The following RFTN1 variants were observed in gnomAD, a reference collection of about 807,000 sequenced individuals.
RFTN1 encodes the protein raftlin.
RFTN1 carries 26 observed loss-of-function variants against 46.5 expected under a neutral mutation model. The ratio of observed to expected loss-of-function variants is 0.56; its 90% CI spans 0.41 to 0.78. The LOEUF (loss-of-function observed/expected upper bound fraction) is 0.78. RFTN1 is among the 30% of genes least tolerant of loss of function. The pLI, the probability that RFTN1 is intolerant of heterozygous loss-of-function variation, is 0.00. For missense variants in RFTN1, 693 were observed against 718.7 expected, an observed-to-expected ratio of 0.96 and a Z score of 0.41; for synonymous variants, 261 against 284.2, an observed-to-expected ratio of 0.92 and a Z score of 0.82.
Position 16,473,635 on chromosome 3 carries a change from G to A in RFTN1, c.145+20090C>T, listed in dbSNP as rs1357946838. ...TTGCCCAGGCTGGTCTGGAACTCCT[G>A]AGCTCAGGCAATCCACCCGCCTTGG... On this transcript the variant is annotated intron_variant, in intron 2 of 9. Transcript: ENST00000334133. This position sits in a 1 kb window ranked among gnomAD's most constrained non-coding sequence, Gnocchi z 5.3. Among the ~76,000 whole-genome samples the A allele has an allele frequency of 1.3e-5, 2 of 152,094 alleles. No homozygotes were observed. Among genetic ancestry groups the A allele is most frequent in the Non-Finnish European group, 2.9e-5 (2 of 68,014 alleles).
intron 1 of RFTN1, among the ~76,000 whole-genome samples, chr3:16,502,616 C>T (rs1008900824): frequency 1.6e-4 from 25 of 152,286 alleles, no homozygotes; most frequent in Middle Eastern, 6.8e-3. Context: ...CTAGATCTCT[C>T]GTTCTGGGGG....
At chr3:16,493,906 G>T in intron 1 of RFTN1, 29 bp from the exon 2 acceptor site, 1 of 1,611,992 alleles carries the variant, frequency 6.2e-7, no homozygotes, top group Non-Finnish European at 8.5e-7. Flanking sequence ...AGGCGGGGAG[G>T]TGATTTTTTT....
At position 16,329,467 on chromosome 3, in the gene RFTN1, G is replaced by A. The variant is rs2125238340; in HGVS notation, c.1147-2591C>T. ...GGGGCCAGGAGAGAATGCCATTCTG[G>A]TCCCTTCCCTGAAGCCTCTATCAGG... On this transcript the variant is annotated intron_variant, in intron 7 of 9. Transcript: ENST00000334133. The surrounding 1 kb of genome is among the most constrained non-coding windows in gnomAD (Gnocchi z 4.5). Among the ~76,000 whole-genome samples the A allele has an allele frequency of 6.6e-6, 1 of 152,288 alleles. No individual in the cohort carries two copies. Among genetic ancestry groups the A allele is most frequent in the Middle Eastern group, 3.4e-3 (1 of 294 alleles).
intron 7 of RFTN1, chr3:16,347,821 A>G (rs1290160474): frequency 6.6e-6 from 1 of 152,240 alleles, no homozygotes; most frequent in Non-Finnish European, 1.5e-5. Flanking sequence ...AATATTCCTC[A>G]ATGGGACTTT....
intron 1 of RFTN1, among the ~76,000 whole-genome samples, chr3:16,494,124 A>G (rs558289286): frequency 6.6e-6 from 1 of 152,288 alleles, no homozygotes; most frequent in African/African-American, 2.4e-5. Context: ...TGACACCAAA[A>G]GCATACCTGT....
chr3:16,495,025 C>T (rs184945157), intron 1 of RFTN1, among the ~76,000 whole-genome samples: 4 of 152,082 alleles, frequency 2.6e-5, no homozygotes, highest in Non-Finnish European at 5.9e-5. Context: ...GGGCATGGGG[C>T]GGGTGGAGTG....
chr3:16,346,793 T>C lies in RFTN1; in HGVS notation c.1146+11139A>G, dbSNP rs1211766377. Among the ~76,000 whole-genome samples, 4 of 152,158 alleles carry C rather than the reference T, an allele frequency of 2.6e-5. No homozygotes were observed. Among genetic ancestry groups the C allele is most frequent in the African/African-American group, 9.7e-5 (4 of 41,430 alleles). On this transcript the variant is annotated intron_variant, in intron 7 of 9. Transcript: ENST00000334133. This position sits in a 1 kb window ranked among gnomAD's most constrained non-coding sequence, Gnocchi z 4.4. ...TCACATTTGCATGAGACACCTAGAA[T>C]TGCCACAGTCACCTTGTGAGGAGGA...
In RFTN1 at chr3:16,473,667, A is replaced by G. The variant is rs760536548; in HGVS notation, c.145+20058T>C. On this transcript the variant is annotated intron_variant, in intron 2 of 9. Transcript: ENST00000334133. This position sits in a 1 kb window ranked among gnomAD's most constrained non-coding sequence, Gnocchi z 5.3. The stretch of plus-strand genomic sequence containing the variant: ...GGCAATCCACCCGCCTTGGCCTCCC[A>G]AAGTGCTAAGATTACAGTTGTGAGC... 6.6e-6 allele frequency among the ~76,000 whole-genome samples: 1 copy of G among 152,106 alleles called. No individual in the cohort carries two copies. The highest frequency in any genetic ancestry group is 1.5e-5 in the Non-Finnish European group (1 of 68,008).
At chr3:16,510,700 T>A in intron 1 of RFTN1, among the ~76,000 whole-genome samples, 1 of 152,200 alleles carries the variant, frequency 6.6e-6, no homozygotes, top group East Asian at 1.9e-4. Context: ...ATAACCATGT[T>A]GGGAAAAGGT....
chr3:16,483,056 A>C lies in RFTN1; in HGVS notation c.145+10669T>G, dbSNP rs1156704862. Among the ~76,000 whole-genome samples the C allele has an allele frequency of 6.6e-6, 1 of 152,200 alleles. No homozygotes were observed. Among genetic ancestry groups the C allele is most frequent in the Non-Finnish European group, 1.5e-5 (1 of 68,032 alleles). On this transcript the variant is annotated intron_variant, in intron 2 of 9. Coordinates refer to ENST00000334133, the MANE Select transcript of RFTN1 (RefSeq NM_015150.2). The surrounding 1 kb of genome is among the most constrained non-coding windows in gnomAD (Gnocchi z 4.8). ...GGTTTGTTTGTTTTTACTTAGAAAA[A>C]ATGCCATCAACGTCAGTGACTGTAT...
In RFTN1 at chr3:16,448,300, A is replaced by G. The variant is rs942239462; in HGVS notation, c.146-14263T>C. On this transcript the variant is annotated intron_variant, in intron 2 of 9. Transcript: ENST00000334133. This position sits in a 1 kb window ranked among gnomAD's most constrained non-coding sequence, Gnocchi z 4.1. ...CATTCACAAGTCATATTGTATTTCTATTGGACTGCTCTGTCCTAGAACCTT... is the reference window on the plus strand; with the variant it reads ...CATTCACAAGTCATATTGTATTTCTGTTGGACTGCTCTGTCCTAGAACCTT... Among the ~76,000 whole-genome samples, 8 of 152,274 alleles carry G rather than the reference A, an allele frequency of 5.3e-5. No homozygotes were observed. Among genetic ancestry groups the G allele is most frequent in the South Asian group, 2.1e-4 (1 of 4,822 alleles).
chr3:16,323,645 A>G (rs2069343726), intron 8 of RFTN1, among the ~76,000 whole-genome samples, 188 bp from the exon 9 acceptor site: 1 of 152,188 alleles, frequency 6.6e-6, no homozygotes, highest in African/African-American at 2.4e-5. Context: ...GCTATCTCAG[A>G]TGCCCAACAA....
rs926942535 is a variant in RFTN1, at chr3:16,427,106, T to C, written c.332+6745A>G. On this transcript the variant is annotated intron_variant, in intron 3 of 9. Coordinates refer to ENST00000334133, the MANE Select transcript of RFTN1 (RefSeq NM_015150.2). This position sits in a 1 kb window ranked among gnomAD's most constrained non-coding sequence, Gnocchi z 5.4. ...CACAGAAATCTTAGAGGCTGCAAGA[T>C]GGCAGCCAGTGGCATGGGTTAGGGA... is the stretch of plus-strand genomic sequence containing the variant. Among the ~76,000 whole-genome samples the C allele has an allele frequency of 6.6e-6, 1 of 152,204 alleles. No homozygotes were observed. Among genetic ancestry groups the C allele is most frequent in the African/African-American group, 2.4e-5 (1 of 41,444 alleles).
chr3:16,434,227 T>C (rs942051096), intron 2 of RFTN1, among the ~76,000 whole-genome samples, 190 bp from the exon 3 acceptor site: 2 of 152,042 alleles, frequency 1.3e-5, no homozygotes, highest in African/African-American at 4.8e-5. Flanking sequence ...CCAAAGGCAT[T>C]AATAATTGGA....
At chr3:16,416,091 A>C in intron 3 of RFTN1, 1 of 345,206 alleles carries the variant, frequency 2.9e-6, no homozygotes, top group Non-Finnish European at 5.8e-6. Context: ...CCCATCTTAC[A>C]TCTTGGGACC....
intron 2 of RFTN1, among the ~76,000 whole-genome samples, chr3:16,464,052 C>G (rs1483935364): frequency 1.3e-5 from 2 of 152,130 alleles, no homozygotes; most frequent in Admixed American, 6.5e-5. Context: ...GAAGATTACT[C>G]AACACCCCTT....
At position 16,500,753 on chromosome 3, in the gene RFTN1, G is replaced by C. The variant is rs1453495621; in HGVS notation, c.-8-6876C>G. On this transcript the variant is annotated intron_variant, in intron 1 of 9. Transcript: ENST00000334133. The surrounding 1 kb of genome is among the most constrained non-coding windows in gnomAD (Gnocchi z 5.9). ...TACAGGAGCTATCAGTTCCATGAGG[G>C]AGGGAAATTATGTTCCAAATTCATT... is the stretch of plus-strand genomic sequence containing the variant. 5.9e-5 allele frequency among the ~76,000 whole-genome samples: 9 copies of C among 152,286 alleles called. No individual in the cohort carries two copies. The East Asian group carries it at 1.7e-3, about 29-fold the overall frequency.
intron 7 of RFTN1, among the ~76,000 whole-genome samples, chr3:16,331,682 G>A (rs185642733): frequency 3.3e-5 from 5 of 152,284 alleles, no homozygotes; most frequent in Non-Finnish European, 7.3e-5. Flanking sequence ...CATCATTTCT[G>A]AAACTTTGCT....
At chr3:16,399,638 C>T (rs2074555167) in intron 4 of RFTN1, among the ~76,000 whole-genome samples, 1 of 152,164 alleles carries the variant, frequency 6.6e-6, no homozygotes, top group Non-Finnish European at 1.5e-5. Context: ...TTTTCCTTCA[C>T]ACCCTCCCCT....
Sources: gnomAD v4.1 joint callset for allele counts (sites outside exome capture counted in the v4.1 genomes callset) on GRCh38, gnomAD v4.1.1 for gene constraint, Gnocchi (gnomAD v3.1) non-coding constraint, MANE v1.5 for transcripts, NCBI Gene and HGNC (gene_info 2026-07-23, HGNC 2026-07-21) for gene names.